The following ZWILCH variants were observed in gnomAD, a reference collection of about 807,000 sequenced individuals.
ZWILCH encodes protein zwilch homolog.
Under a neutral mutation model 79.9 loss-of-function variants are expected in ZWILCH, and 74 were observed. The ratio of observed to expected loss-of-function variants is 0.93; its 90% confidence interval spans 0.77 to 1.12. The LOEUF (loss-of-function observed/expected upper bound fraction) is 1.12. Ranked by LOEUF, ZWILCH falls within the 50% of genes most tolerant of loss-of-function variation. The pLI is 0.00. For synonymous variants in ZWILCH, 241 were observed against 228.2 expected, an observed-to-expected ratio of 1.06 and a Z score of -0.51; for missense variants, 694 against 687.5, an observed-to-expected ratio of 1.01 and a Z score of -0.11.
Position 66,527,287 on chromosome 15 carries a change from T to C in ZWILCH, c.820-3T>C, listed in dbSNP as rs1243955306. 6.2e-7 allele frequency: 1 copy of C among 1,613,376 alleles called. No homozygotes were observed. Among genetic ancestry groups the C allele is most frequent in the African/African-American group, 1.3e-5 (1 of 74,906 alleles). On this transcript the variant is annotated splice_region_variant and splice_polypyrimidine_tract_variant and intron_variant, in intron 8 of 18. Transcript: ENST00000307897. ...GTTTTTGGGGTTTTTAAATCTCCTGTAGGTTTTGGCTGATGGTTTGAGGAC... is the reference window on the plus strand; with the variant it reads ...GTTTTTGGGGTTTTTAAATCTCCTGCAGGTTTTGGCTGATGGTTTGAGGAC...
At chr15:66,530,958 T>C (rs1180929832) in intron 12 of ZWILCH, among the ~76,000 whole-genome samples, 1 of 152,244 alleles carries the variant, frequency 6.6e-6, no homozygotes, top group East Asian at 1.9e-4. Context: ...AGTATAACCT[T>C]ACTAACCTTA....
chr15:66,518,283 C>T (rs1471124696), intron 4 of ZWILCH, among the ~76,000 whole-genome samples: 4 of 139,798 alleles, frequency 2.9e-5, no homozygotes, highest in Non-Finnish European at 6.1e-5. Context: ...TGAGACCTCT[C>T]GTGTCTTTTT....
chr15:66,514,213 T>C (rs1894173684), intron 3 of ZWILCH, 130 bp downstream of exon 3: 1 of 581,782 alleles, frequency 1.7e-6, no homozygotes, highest in Non-Finnish European at 3.0e-6. Flanking sequence ...TAGGAGTAAG[T>C]GTAGTGCTGT....
rs1595914915 is a variant in ZWILCH, at chr15:66,527,517, T to C, written c.913+134T>C. On this transcript the variant is annotated intron_variant, in intron 9 of 18. Transcript: ENST00000307897. ...GATCTGTTATGGTCAGAGGGACAGC[T>C]TTTGTTCTGAATTGCTAATGGTAGA... 3 of 708,486 alleles carry C rather than the reference T, an allele frequency of 4.2e-6. No individual in the cohort carries two copies. The East Asian group carries it at 8.2e-5, about 19-fold the overall frequency. The allele number at this position is 708,486 out of a possible 1,614,324, so 43.9% of individuals were successfully genotyped here. A position where few individuals can be genotyped will look rare whatever the true frequency, so the allele number is the denominator to read the frequency against.
chr15:66,533,071 C>T (rs1894903763), intron 14 of ZWILCH, 58 bp downstream of exon 14: 6 of 1,209,526 alleles, frequency 5.0e-6, no homozygotes, highest in African/African-American at 4.5e-5. Flanking sequence ...ATTCTGTGTG[C>T]AGTTATTAAC....
intron 1 of ZWILCH, among the ~76,000 whole-genome samples, chr15:66,508,011 A>G (rs1893893353): frequency 6.6e-6 from 1 of 152,200 alleles, no homozygotes; most frequent in African/African-American, 2.4e-5. Flanking sequence ...CTGTAAGAAT[A>G]AATCACGATC....
In ZWILCH at chr15:66,548,208, A is replaced by G. The variant is rs375651291; in HGVS notation, c.*27-143A>G. ...ATCAAGTCACAACAGTTTGTATACTATGATGCCATTTTTGTAAATAATTCA... is the reference window on the plus strand; with the variant it reads ...ATCAAGTCACAACAGTTTGTATACTGTGATGCCATTTTTGTAAATAATTCA... On this transcript the variant is annotated intron_variant, in intron 18 of 18. Coordinates refer to ENST00000307897, the MANE Select transcript of ZWILCH (RefSeq NM_017975.5). The G allele has an allele frequency of 9.4e-5, 22 of 234,488 alleles. No homozygotes were observed. In the East Asian group the frequency reaches 1.1e-3, roughly 11 times the overall value. The allele number at this position is 234,488 out of a possible 1,614,324, so 14.5% of individuals were successfully genotyped here. A position where few individuals can be genotyped will look rare whatever the true frequency, so the allele number is the denominator to read the frequency against.
chr15:66,505,764 G>C (rs1893790256), intron 1 of ZWILCH: 1 of 283,852 alleles, frequency 3.5e-6, no homozygotes, highest in African/African-American at 2.3e-5. Flanking sequence ...AATGAAATGT[G>C]GTGTTAGTCT....
chr15:66,518,110 C>G (rs1221831653), intron 4 of ZWILCH, among the ~76,000 whole-genome samples: 1 of 151,962 alleles, frequency 6.6e-6, no homozygotes, highest in Non-Finnish European at 1.5e-5. Context: ...TGCTGAACCC[C>G]CAATCCTTGC....
chr15:66,530,808 CTT>C (rs1491152213), intron 12 of ZWILCH, among the ~76,000 whole-genome samples: 17 of 150,562 alleles, frequency 1.1e-4, no homozygotes, highest in Non-Finnish European at 1.9e-4. Flanking sequence ...AAGTTATAAA[CTT>C]TTATGGGTGT....
Position 66,550,056 on chromosome 15 carries a change from G to C in ZWILCH, c.*1732G>C. ...ACTGACTCACCTGCAGCAAGCATCT[G>C]ATTGTTGATAGAGCAAGTTTCCAAA... On this transcript the variant is annotated 3_prime_UTR_variant, in exon 19 of 19. Transcript: ENST00000307897. 1.2e-6 allele frequency: 2 copies of C among 1,604,032 alleles called. No individual in the cohort carries two copies. The highest frequency in any genetic ancestry group is 1.7e-6 in the Non-Finnish European group (2 of 1,175,704).
intron 1 of ZWILCH, among the ~76,000 whole-genome samples, chr15:66,506,555 G>A (rs1207161986): frequency 6.6e-6 from 1 of 152,156 alleles, no homozygotes; most frequent in East Asian, 1.9e-4. Flanking sequence ...TGTAATCCCA[G>A]CTACTTGGGA....
intron 2 of ZWILCH, among the ~76,000 whole-genome samples, chr15:66,513,210 C>T (rs969596200): frequency 6.6e-6 from 1 of 152,144 alleles, no homozygotes; most frequent in African/African-American, 2.4e-5. Flanking sequence ...GGATTACAGG[C>T]GTGAGCTACT....
chr15:66,524,047 G>A (rs188224998), intron 8 of ZWILCH, among the ~76,000 whole-genome samples: 15 of 152,116 alleles, frequency 9.9e-5, no homozygotes, highest in Admixed American at 9.8e-4. Flanking sequence ...TCATTCATCA[G>A]TCGATTGACA....
chr15:66,536,765 G>A (rs1047565060), intron 15 of ZWILCH, among the ~76,000 whole-genome samples: 19 of 151,972 alleles, frequency 1.3e-4, no homozygotes, highest in South Asian at 2.1e-4. Flanking sequence ...TAGATCAGTG[G>A]AATGAATGAG....
chr15:66,547,836 G>C (rs1895437081), intron 18 of ZWILCH: 1 of 152,178 alleles, frequency 6.6e-6, no homozygotes, highest in African/African-American at 2.4e-5. Context: ...GCACAGGCTG[G>C]AGTGCAGTGG....
At chr15:66,519,656 A>G (rs940702108) in intron 5 of ZWILCH, among the ~76,000 whole-genome samples, 3 of 152,028 alleles carry the variant, frequency 2.0e-5, no homozygotes, top group Non-Finnish European at 4.4e-5. Flanking sequence ...GGGTTACACC[A>G]TATTGGTCAG....
At chr15:66,528,756 C>A in intron 10 of ZWILCH, 96 bp from the exon 11 acceptor site, 1 of 975,380 alleles carries the variant, frequency 1.0e-6, no homozygotes, top group South Asian at 1.5e-5. Context: ...TGTGTGTGTT[C>A]ATGAATCCAT....
chr15:66,529,517 G>C lies in ZWILCH; in HGVS notation c.1099G>C (p.Val367Leu). ...AGGTGTGATTTCATACCAAGACTTG[G>C]TGAAGTGTTTCACATTGATCATCCA... Reference protein sequence around the residue: ...SSSVISYQDLVKCFTLIIQSL... With the variant: ...SSSVISYQDLLKCFTLIIQSL... Residue 367 changes from valine to leucine, a missense_variant, in exon 12 of 19, where the codon GTG becomes CTG. By Grantham distance (32) the Val-to-Leu change is conservative (BLOSUM62 1). Coordinates refer to ENST00000307897, the MANE Select transcript of ZWILCH (RefSeq NM_017975.5). 1 of 1,613,960 alleles carries C rather than the reference G, an allele frequency of 6.2e-7. No individual in the cohort carries two copies. The highest frequency in any genetic ancestry group is 2.2e-5 in the East Asian group (1 of 44,864).
Sources: gnomAD v4.1 joint callset for allele counts (sites outside exome capture counted in the v4.1 genomes callset) on GRCh38, gnomAD v4.1.1 for gene constraint, MANE v1.5 for transcripts, NCBI Gene and HGNC (gene_info 2026-07-23, HGNC 2026-07-21) for gene names.